ERC2: variants seen among roughly 807,000 people sequenced by gnomAD.
The protein encoded by ERC2 is ELKS/RAB6-interacting/CAST family member 2.
ERC2 carries 42 observed loss-of-function variants against 114.8 expected under a neutral mutation model. That is an observed-to-expected ratio of 0.37 (90% CI 0.29 to 0.47). The LOEUF (loss-of-function observed/expected upper bound fraction) is 0.47, where lower values mean the gene tolerates loss of function less well. Among genes scored for constraint, ERC2 ranks in the 20% least tolerant of loss-of-function variants. The pLI is 0.99. For missense variants in ERC2, 939 were observed against 1,150.7 expected (o/e 0.82, Z 2.66); for synonymous variants, 454 against 425.5 (o/e 1.07, Z -0.82).
At chr3:56,215,640 G>C (rs1022215109) in intron 3 of ERC2, among the ~76,000 whole-genome samples, 3 of 152,170 alleles carry the variant, frequency 2.0e-5, no homozygotes, top group Non-Finnish European at 4.4e-5. Context: ...GCACCAAGCA[G>C]ACCTAATAGA....
chr3:55,546,763 A>G (rs2054781599), intron 17 of ERC2, among the ~76,000 whole-genome samples: 1 of 152,208 alleles, frequency 6.6e-6, no homozygotes, highest in Non-Finnish European at 1.5e-5. Context: ...AGATGTGTGC[A>G]AGCGCAGGCC....
intron 16 of ERC2, among the ~76,000 whole-genome samples, chr3:55,691,051 C>T (rs1399319291): frequency 6.6e-6 from 1 of 152,208 alleles, no homozygotes; most frequent in African/African-American, 2.4e-5. Flanking sequence ...CCTGTGGCCT[C>T]ACAGAGAGCC....
At chr3:55,665,200 T>C (rs2061310844) in intron 17 of ERC2, among the ~76,000 whole-genome samples, 1 of 152,182 alleles carries the variant, frequency 6.6e-6, no homozygotes, top group Non-Finnish European at 1.5e-5. Context: ...GTAGCACATT[T>C]CCTGACTCTT....
intron 2 of ERC2, among the ~76,000 whole-genome samples, chr3:56,420,838 A>C (rs1576877360): frequency 6.6e-6 from 1 of 151,662 alleles, no homozygotes; most frequent in South Asian, 2.1e-4. Context: ...CAGAGTTTGC[A>C]GTGAGCTGAG....
chr3:55,530,619 T>A (rs2053605483), intron 17 of ERC2, among the ~76,000 whole-genome samples: 1 of 152,184 alleles, frequency 6.6e-6, no homozygotes, highest in South Asian at 2.1e-4. Context: ...GAGAACCTCC[T>A]TTTCAGCTCA....
intron 13 of ERC2, among the ~76,000 whole-genome samples, chr3:55,930,458 C>T (rs534527066): frequency 1.1e-3 from 162 of 152,218 alleles, no homozygotes; most frequent in African/African-American, 3.7e-3. Flanking sequence ...CACACATCTA[C>T]AACCATCTGA....
chr3:55,924,877 A>C (rs2065657572), intron 13 of ERC2, among the ~76,000 whole-genome samples: 1 of 152,174 alleles, frequency 6.6e-6, no homozygotes, highest in Admixed American at 6.6e-5. Flanking sequence ...ATACTCTTGG[A>C]TTCCCTGTGT....
At chr3:56,445,439 G>A (rs535452000) in intron 1 of ERC2, among the ~76,000 whole-genome samples, 6 of 152,234 alleles carry the variant, frequency 3.9e-5, no homozygotes, top group South Asian at 2.1e-4. Context: ...TTGAACCAAT[G>A]TGACTCTTGC....
intron 3 of ERC2, among the ~76,000 whole-genome samples, chr3:56,210,930 T>C (rs1462646659): frequency 4.6e-5 from 7 of 152,136 alleles, no homozygotes; most frequent in African/African-American, 1.7e-4. Context: ...AAGCTTAAAC[T>C]ATACTTTCTG....
At chr3:56,394,072 G>C (rs2060220531) in intron 2 of ERC2, among the ~76,000 whole-genome samples, 1 of 152,178 alleles carries the variant, frequency 6.6e-6, no homozygotes, top group South Asian at 2.1e-4. Flanking sequence ...AGGCATAAGG[G>C]AGGCATTCTC....
intron 14 of ERC2, among the ~76,000 whole-genome samples, chr3:55,782,697 G>A (rs1010232422): frequency 6.6e-6 from 1 of 152,196 alleles, no homozygotes; most frequent in African/African-American, 2.4e-5. Context: ...TGAACAGGGT[G>A]TTAAGCAAGG....
At chr3:56,092,977 T>A (rs2077874473) in intron 6 of ERC2, among the ~76,000 whole-genome samples, 1 of 152,184 alleles carries the variant, frequency 6.6e-6, no homozygotes, top group African/African-American at 2.4e-5. Context: ...AATTTAGTAC[T>A]AAGTAATAAT....
chr3:56,351,114 A>G (rs4974199), intron 2 of ERC2, among the ~76,000 whole-genome samples: 151,055 of 152,256 alleles, frequency 0.99, 74,940 homozygotes, highest in Middle Eastern at 1. Flanking sequence ...GTATTTAATA[A>G]TATTTTGTTA....
At chr3:56,367,131 G>A (rs763624815) in intron 2 of ERC2, among the ~76,000 whole-genome samples, 13 of 152,030 alleles carry the variant, frequency 8.6e-5, no homozygotes, top group Non-Finnish European at 1.8e-4. Context: ...TAATTATTGT[G>A]CCTATCATAC....
At chr3:56,259,456 G>C (rs566283783) in intron 3 of ERC2, among the ~76,000 whole-genome samples, 3 of 152,036 alleles carry the variant, frequency 2.0e-5, no homozygotes, top group Non-Finnish European at 4.4e-5. Context: ...TCCTGTGTAA[G>C]TAGCCAATTT....
At chr3:56,035,439 G>A (rs996105969) in intron 7 of ERC2, among the ~76,000 whole-genome samples, 7 of 152,226 alleles carry the variant, frequency 4.6e-5, no homozygotes, top group Non-Finnish European at 8.8e-5. Flanking sequence ...AAAAATTGAA[G>A]AGGAGGGAAC....
intron 12 of ERC2, among the ~76,000 whole-genome samples, chr3:55,954,621 C>A (rs1004543676): frequency 1.4e-4 from 22 of 152,142 alleles, no homozygotes; most frequent in Non-Finnish European, 3.1e-4. Context: ...CAAAAAGATG[C>A]CACTTTTTTA....
chr3:55,774,655 A>C (rs2068465787), intron 14 of ERC2, among the ~76,000 whole-genome samples: 1 of 152,110 alleles, frequency 6.6e-6, no homozygotes, highest in Admixed American at 6.5e-5. Flanking sequence ...GCCTGGGAGA[A>C]CCCACCAGAT....
At position 56,364,162 on chromosome 3, in the gene ERC2, C is replaced by A. The variant is rs76034462; in HGVS notation, c.658-67727G>T. Among the ~76,000 whole-genome samples the A allele has an allele frequency of 2.6e-5, 4 of 152,218 alleles. No individual in the cohort carries two copies. In the East Asian group the frequency reaches 7.7e-4, roughly 29 times the overall value. ...AGAAGGGGCAAATAGTATATGCTTCCACTTGTATGAAATACCTGGAACAGG... is the reference window on the plus strand; with the variant it reads ...AGAAGGGGCAAATAGTATATGCTTCAACTTGTATGAAATACCTGGAACAGG... On this transcript the variant is annotated intron_variant, in intron 2 of 17. Transcript: ENST00000288221.
Sources: gnomAD v4.1 joint callset for allele counts (sites outside exome capture counted in the v4.1 genomes callset) on GRCh38, gnomAD v4.1.1 for gene constraint, MANE v1.5 for transcripts, NCBI Gene and HGNC (gene_info 2026-07-23, HGNC 2026-07-21) for gene names.